Variants in CDC42BPA observed in about 807,000 individuals in gnomAD.
The protein encoded by CDC42BPA is CDC42 binding protein kinase alpha.
Under a neutral mutation model 223.5 loss-of-function variants are expected in CDC42BPA, and 80 were observed. That is an observed-to-expected ratio of 0.36 (90% CI 0.30 to 0.43). The LOEUF is 0.43. Among genes scored for constraint, CDC42BPA ranks in the 20% least tolerant of loss-of-function variants. The pLI is 1.00. For synonymous variants in CDC42BPA, 694 were observed against 718.6 expected, an observed-to-expected ratio of 0.97 and a Z score of 0.55; for missense variants, 1,743 against 2,099.9, an observed-to-expected ratio of 0.83 and a Z score of 3.32.
chr1:227,133,275 G>T (rs1403438574), intron 10 of CDC42BPA, among the ~76,000 whole-genome samples: 2 of 149,972 alleles, frequency 1.3e-5, no homozygotes, highest in Admixed American at 1.3e-4. Context: ...GCCTCTGCCC[G>T]GCCGCCCCTA....
chr1:227,273,524 A>G (rs1686339372), intron 1 of CDC42BPA, among the ~76,000 whole-genome samples: 1 of 148,490 alleles, frequency 6.7e-6, no homozygotes, highest in Admixed American at 6.9e-5. Flanking sequence ...GACAAGAGCG[A>G]AACTCTGTCT....
intron 5 of CDC42BPA, among the ~76,000 whole-genome samples, chr1:227,179,335 A>G (rs1667500716): frequency 6.8e-6 from 1 of 146,514 alleles, no homozygotes; most frequent in Admixed American, 6.8e-5. Flanking sequence ...ATATGAATTT[A>G]TCTCAAAAAG....
chr1:227,312,681 T>C (rs1306326909), intron 1 of CDC42BPA, among the ~76,000 whole-genome samples: 2 of 152,134 alleles, frequency 1.3e-5, no homozygotes, highest in African/African-American at 2.4e-5. Flanking sequence ...AGTAAGACCC[T>C]TGACATGGTT....
intron 10 of CDC42BPA, among the ~76,000 whole-genome samples, chr1:227,132,547 T>C (rs3119697): frequency 0.83 from 106,524 of 128,800 alleles, 45,135 homozygotes; most frequent in East Asian, 0.88. Context: ...TCTGCCTGGC[T>C]GCCACCCCGT....
intron 21 of CDC42BPA, among the ~76,000 whole-genome samples, chr1:227,055,568 T>C (rs1310374502): frequency 2.6e-5 from 4 of 152,250 alleles, no homozygotes; most frequent in African/African-American, 9.6e-5. Context: ...TACCATTAGT[T>C]ATTTTATTAC....
intron 1 of CDC42BPA, among the ~76,000 whole-genome samples, chr1:227,309,237 A>G (rs1693108146): frequency 6.6e-6 from 1 of 151,354 alleles, no homozygotes; most frequent in Non-Finnish European, 1.5e-5. Context: ...CAAGAAAACT[A>G]ATTTTATTCC....
At position 227,073,975 on chromosome 1, in the gene CDC42BPA, T is replaced by C. The variant is rs747918994; in HGVS notation, c.2624A>G (p.Asp875Gly). The change falls in exon 19 of 37, where the codon GAT becomes GGT. Residue 875 changes from aspartate (D) to glycine (G), a missense_variant. Asp to Gly is a moderately conservative substitution (Grantham distance 94, BLOSUM62 -1). Coordinates refer to ENST00000366766, the MANE Select transcript of CDC42BPA (RefSeq NM_001394014.1). ...PWKMRRFAKL[D>G]MSARLELQSA... Reference sequence around the variant, plus strand: ...CTGCAACTCCAGTCTAGCTGACATATCCAGTTTCGCAAAACGACGCATTTT... The same window carrying C: ...CTGCAACTCCAGTCTAGCTGACATACCCAGTTTCGCAAAACGACGCATTTT... 3 of 1,612,370 alleles carry C rather than the reference T, an allele frequency of 1.9e-6. No homozygotes were observed. Among genetic ancestry groups the C allele is most frequent in the Non-Finnish European group, 2.5e-6 (3 of 1,179,516 alleles).
chr1:227,028,654 T>TA lies in CDC42BPA; in HGVS notation c.4432+2dup. The TA allele has an allele frequency of 6.5e-7, 1 of 1,536,658 alleles. No individual in the cohort carries two copies. The highest frequency in any genetic ancestry group is 8.8e-7 in the Non-Finnish European group (1 of 1,135,568). ...AAGACAGCCGTAAGAAAGAGAATCTTACAACAAGAGGAAGGATTTGCTGGC... is the reference window on the plus strand; with the variant it reads ...AAGACAGCCGTAAGAAAGAGAATCTTAACAACAAGAGGAAGGATTTGCTGGC... On this transcript the variant is annotated splice_region_variant and intron_variant, in intron 30 of 36. Transcript: ENST00000366766.
rs1668786759 is a variant in CDC42BPA, at chr1:227,029,151, C to T, written c.3938G>A (p.Arg1313Gln). Residue 1313 changes from arginine to glutamine, a missense_variant, in exon 30 of 37, where the codon CGA becomes CAA. This residue lies in a region of CDC42BPA where 678 missense variants were observed against 777.5 expected (regional missense o/e 0.87). Coordinates refer to ENST00000366766, the MANE Select transcript of CDC42BPA (RefSeq NM_001394014.1). ...AVISGRNRHV[R>Q]LFPMSALDGR... Reference sequence around the variant, plus strand: ...ATCCAATGCTGACATAGGAAAAAGTCGTACATGACGATTTCGTCCTGAGAT... The same window carrying T: ...ATCCAATGCTGACATAGGAAAAAGTTGTACATGACGATTTCGTCCTGAGAT... 3.7e-6 allele frequency: 6 copies of T among 1,606,814 alleles called. No individual in the cohort carries two copies. The highest frequency in any genetic ancestry group is 3.4e-6 in the Non-Finnish European group (4 of 1,179,948).
intron 5 of CDC42BPA, among the ~76,000 whole-genome samples, chr1:227,179,579 T>C (rs1404476065): frequency 8.1e-6 from 1 of 123,010 alleles, no homozygotes; most frequent in African/African-American, 3.1e-5. Flanking sequence ...GAGCTTGCAG[T>C]GAGCCGAGAT....
intron 35 of CDC42BPA, among the ~76,000 whole-genome samples, chr1:226,996,687 A>G (rs7520272): frequency 0.39 from 58,746 of 152,108 alleles, 11,857 homozygotes; most frequent in Non-Finnish European, 0.46. Context: ...GAATTTTATC[A>G]AAGGCCTTTT....
intron 24 of CDC42BPA, 67 bp from the exon 25 acceptor site, chr1:227,035,674 C>G: frequency 1.7e-6 from 2 of 1,143,116 alleles, no homozygotes; most frequent in Non-Finnish European, 2.5e-6. Context: ...TCGTAACACT[C>G]ACTGCATACA....
intron 2 of CDC42BPA, among the ~76,000 whole-genome samples, chr1:227,233,380 T>C (rs954608827): frequency 6.6e-6 from 1 of 152,052 alleles, no homozygotes; most frequent in Non-Finnish European, 1.5e-5. Flanking sequence ...TCCAGTAACA[T>C]ATAAAGCTGT....
intron 35 of CDC42BPA, among the ~76,000 whole-genome samples, chr1:226,998,771 C>A (rs1379517420): frequency 6.6e-6 from 1 of 152,130 alleles, no homozygotes; most frequent in African/African-American, 2.4e-5. Flanking sequence ...AAAGCAATGG[C>A]AACAAAAGCC....
At chr1:227,316,876 T>A in intron 1 of CDC42BPA, 129 bp downstream of exon 1, 2 of 690,170 alleles carry the variant, frequency 2.9e-6, no homozygotes, top group South Asian at 4.0e-5. Flanking sequence ...AAATCTTGAA[T>A]AACTAGTGTC....
At chr1:227,126,703 AT>A (rs1264633240) in intron 11 of CDC42BPA, among the ~76,000 whole-genome samples, 2 of 152,200 alleles carry the variant, frequency 1.3e-5, no homozygotes, top group Non-Finnish European at 1.5e-5. Context: ...AAATCAACCA[AT>A]GTAATTCACC....
intron 4 of CDC42BPA, among the ~76,000 whole-genome samples, chr1:227,196,822 TA>T (rs1670839570): frequency 6.6e-6 from 1 of 152,070 alleles, no homozygotes; most frequent in Non-Finnish European, 1.5e-5. Flanking sequence ...TCCTCAACCA[TA>T]AAGTAACTAA....
chr1:227,025,899 A>G (rs73089707), intron 31 of CDC42BPA, among the ~76,000 whole-genome samples, 156 bp downstream of exon 31: 3,061 of 152,180 alleles, frequency 0.02, 86 homozygotes, highest in African/African-American at 0.069. Context: ...AACCAACTTT[A>G]TTTCTGTTTC....
chr1:227,244,948 C>T (rs1187131673), intron 2 of CDC42BPA, among the ~76,000 whole-genome samples: 2 of 152,204 alleles, frequency 1.3e-5, no homozygotes, highest in East Asian at 3.8e-4. Context: ...AGCCAGTGGC[C>T]ATGCTTGGAG....
Sources: allele counts gnomAD v4.1 joint callset (sites outside exome capture counted in the v4.1 genomes callset), GRCh38; gene constraint gnomAD v4.1.1; regional missense constraint gnomAD v4.1.1; transcripts MANE v1.5; gene names NCBI Gene and HGNC (gene_info 2026-07-23, HGNC 2026-07-21).